Variants in RASGRP3 observed in about 807,000 individuals in gnomAD.
The protein encoded by RASGRP3 is ras guanyl-releasing protein 3.
Under a neutral mutation model 82.7 loss-of-function variants are expected in RASGRP3, and 54 were observed. The observed-to-expected ratio is 0.65, with a 90% CI of 0.52 to 0.82. The LOEUF is 0.82. RASGRP3 is among the 40% of genes least tolerant of loss of function. The pLI is 0.00. For synonymous variants in RASGRP3, 309 were observed against 300.5 expected (o/e 1.03, Z -0.29); for missense variants, 861 against 828.9 (o/e 1.04, Z -0.48).
intron 2 of RASGRP3, among the ~76,000 whole-genome samples, chr2:33,513,076 AG>A (rs1216620920): frequency 1.3e-5 from 2 of 152,246 alleles, no homozygotes; most frequent in Non-Finnish European, 2.9e-5. Context: ...GATATAAAAA[AG>A]TTAGTTCCAG....
At chr2:33,513,140 G>A (rs1389671350) in intron 2 of RASGRP3, among the ~76,000 whole-genome samples, 1 of 152,206 alleles carries the variant, frequency 6.6e-6, no homozygotes, top group Non-Finnish European at 1.5e-5. Flanking sequence ...AATTGGGAAA[G>A]CGTTTGATCC....
chr2:33,559,709 T>TAACA (rs1452014904), intron 17 of RASGRP3: 4 of 498,412 alleles, frequency 8.0e-6, no homozygotes, highest in African/African-American at 7.8e-5. Context: ...ATGATATTCC[T>TAACA]AACATTTAAA....
intron 2 of RASGRP3, among the ~76,000 whole-genome samples, chr2:33,448,888 T>C (rs1375721897): frequency 2.0e-5 from 3 of 152,202 alleles, no homozygotes; most frequent in Non-Finnish European, 4.4e-5. Flanking sequence ...TTGTATGGTA[T>C]GTGAATTATG....
chr2:33,507,083 TAAAC>T (rs770869698), intron 1 of RASGRP3, among the ~76,000 whole-genome samples: 7 of 151,982 alleles, frequency 4.6e-5, no homozygotes, highest in Non-Finnish European at 7.4e-5. Context: ...AATGCAGAAA[TAAAC>T]AAATAATTTC....
intron 2 of RASGRP3, among the ~76,000 whole-genome samples, chr2:33,457,349 T>G (rs1425275940): frequency 1.3e-5 from 2 of 152,220 alleles, no homozygotes; most frequent in Non-Finnish European, 2.9e-5. Flanking sequence ...TGTTTATGGT[T>G]TGTTGTCACT....
At chr2:33,520,490 A>T in intron 5 of RASGRP3, 63 bp from the exon 6 acceptor site, 1 of 1,594,562 alleles carries the variant, frequency 6.3e-7, no homozygotes, top group East Asian at 2.2e-5. Flanking sequence ...AAACGGTACA[A>T]TCGTTTCCAT....
intron 11 of RASGRP3, among the ~76,000 whole-genome samples, chr2:33,537,855 C>T (rs1673811027): frequency 6.6e-6 from 1 of 152,108 alleles, no homozygotes. Context: ...ACCATCTTCC[C>T]CACAACTTTA....
At chr2:33,527,059 C>G in intron 9 of RASGRP3, 78 bp from the exon 10 acceptor site, 2 of 1,454,522 alleles carry the variant, frequency 1.4e-6, no homozygotes, top group East Asian at 2.3e-5. Context: ...GAGGAATTTC[C>G]TAGCCACACA....
In RASGRP3 at chr2:33,454,262, C is replaced by T. The variant is rs55669450; in HGVS notation, c.-261+6319C>T. On this transcript the variant is annotated intron_variant, in intron 2 of 18. Transcript: ENST00000402538. ...TATTTTTTAAAAAGCCATACATAGT[C>T]CAGAGAGGAGTGAGTCAATTCCTGT... Among the ~76,000 whole-genome samples, 46 of 152,228 alleles carry T rather than the reference C, an allele frequency of 3.0e-4. 1 individual carries two copies. The East Asian group carries it at 7.1e-3, about 24-fold the overall frequency.
Position 33,562,829 on chromosome 2 carries a change from A to C in RASGRP3, c.*92A>C. 6.7e-7 allele frequency: 1 copy of C among 1,485,836 alleles called. No homozygotes were observed. Among genetic ancestry groups the C allele is most frequent in the Non-Finnish European group, 9.3e-7 (1 of 1,069,696 alleles). 92.0% of individuals were successfully genotyped at this position (1,485,836 alleles called of 1,614,324 possible). A position where few individuals can be genotyped will look rare whatever the true frequency, so the allele number is the denominator to read the frequency against. ...AGAAAGCTCTGACTCTCAGGAAGTT[A>C]TCTGGAAAGATACCTGGATGTTTAC... On this transcript the variant is annotated 3_prime_UTR_variant, in exon 18 of 18. Coordinates refer to ENST00000403687, the MANE Select transcript of RASGRP3 (RefSeq NM_001139488.2).
At position 33,462,446 on chromosome 2, in the gene RASGRP3, C is replaced by T. The variant is rs149810698; in HGVS notation, c.-261+14503C>T. 1.3e-3 allele frequency among the ~76,000 whole-genome samples: 193 copies of T among 148,848 alleles called. 1 individual carries two copies. Among genetic ancestry groups the T allele is most frequent in the African/African-American group, 4.5e-3 (184 of 40,460 alleles). ...CCAGGCTGGAGTACAGTGGTGCGATCGGCACACTGCAACCTACACCTCCCG... is the reference window on the plus strand; with the variant it reads ...CCAGGCTGGAGTACAGTGGTGCGATTGGCACACTGCAACCTACACCTCCCG... On this transcript the variant is annotated intron_variant, in intron 2 of 18. Coordinates refer to the RASGRP3 transcript ENST00000402538.
intron 4 of RASGRP3, among the ~76,000 whole-genome samples, chr2:33,518,602 CT>C (rs2151016644): frequency 6.6e-6 from 1 of 152,248 alleles, no homozygotes; most frequent in East Asian, 1.9e-4. Flanking sequence ...CCTTTAAAAA[CT>C]TTTTAGTCCT....
chr2:33,494,176 CT>C (rs1320582734), intron 1 of RASGRP3, among the ~76,000 whole-genome samples: 2 of 152,180 alleles, frequency 1.3e-5, no homozygotes, highest in African/African-American at 4.8e-5. Flanking sequence ...AAAAAATCCC[CT>C]TGAAAAGTGG....
chr2:33,519,832 GA>G, intron 4 of RASGRP3, 119 bp from the exon 5 acceptor site: 1 of 637,970 alleles, frequency 1.6e-6, no homozygotes, highest in Non-Finnish European at 2.8e-6. Flanking sequence ...CTCCGTATTT[GA>G]GTGTCTATAT....
intron 4 of RASGRP3, among the ~76,000 whole-genome samples, chr2:33,517,290 C>T (rs185618431): frequency 2.6e-5 from 4 of 152,330 alleles, no homozygotes; most frequent in Admixed American, 2.6e-4. Flanking sequence ...AGCCAAATGA[C>T]TGAAAATGCA....
At chr2:33,454,164 C>A (rs2008255) in intron 2 of RASGRP3, among the ~76,000 whole-genome samples, 1 of 151,736 alleles carries the variant, frequency 6.6e-6, no homozygotes, top group Non-Finnish European at 1.5e-5. Flanking sequence ...GGTTTGGTTT[C>A]TTTTGAAGTT....
At chr2:33,468,577 T>G in intron 2 of RASGRP3, among the ~76,000 whole-genome samples, 1 of 152,116 alleles carries the variant, frequency 6.6e-6, no homozygotes, top group East Asian at 1.9e-4. Flanking sequence ...AATTTTTGTA[T>G]TTTTAGTACA....
Position 33,534,339 on chromosome 2 carries a change from A to G in RASGRP3, c.1100A>G (p.Tyr367Cys), listed in dbSNP as rs1673390797. The G allele has an allele frequency of 1.9e-6, 3 of 1,573,102 alleles. No homozygotes were observed. Among genetic ancestry groups the G allele is most frequent in the African/African-American group, 1.3e-5 (1 of 74,186 alleles). The change falls in exon 11 of 18, where the codon TAT becomes TGT. Residue 367 changes from tyrosine to cysteine, a missense_variant. Physicochemically the swap from Tyr to Cys is radical, Grantham distance 194 (BLOSUM62 -2). Transcript: ENST00000403687. ...TTGTTGTAGCTTTCCCTGGACCTCT[A>G]TCACACTGAAGATGATATTTACAAA... ...INLLTLSLDL[Y>C]HTEDDIYKLS... is the part of the protein sequence containing the mutation.
chr2:33,443,888 T>C (rs1007417491), intron 1 of RASGRP3, among the ~76,000 whole-genome samples: 2 of 151,278 alleles, frequency 1.3e-5, no homozygotes, highest in African/African-American at 4.9e-5. Context: ...CTCAAAAAAA[T>C]TAAAAAAATA....
Sources: gnomAD v4.1 joint callset for allele counts (sites outside exome capture counted in the v4.1 genomes callset) on GRCh38, gnomAD v4.1.1 for gene constraint, MANE v1.5 for transcripts, NCBI Gene and HGNC (gene_info 2026-07-23, HGNC 2026-07-21) for gene names.